The following RPL38 variants were observed in gnomAD, a reference collection of about 807,000 sequenced individuals.
RPL38 encodes the protein large ribosomal subunit protein eL38.
RPL38 carries 2 observed loss-of-function variants against 12.8 expected under a neutral mutation model. That is an observed-to-expected ratio of 0.16 (90% CI 0.06 to 0.49). RPL38 has a LOEUF of 0.49. Among genes scored for constraint, RPL38 ranks in the 20% least tolerant of loss-of-function variants. The probability of loss-of-function intolerance (pLI) is 0.96; values close to 1 mark genes in which losing one functional copy is unlikely to be tolerated. For missense variants in RPL38, 52 were observed against 79.8 expected (o/e 0.65, Z 1.33); for synonymous variants, 42 against 30.1 (o/e 1.39, Z -1.29).
intron 3 of RPL38, 48 bp downstream of exon 3, chr17:74,204,238 ACCG>A: frequency 6.4e-7 from 1 of 1,561,288 alleles, no homozygotes; most frequent in Non-Finnish European, 8.8e-7. Context: ...CTAGCCTGGC[ACCG>A]CTCCGGGAGC....
At chr17:74,208,374 C>T (rs1192056370) in intron 3 of RPL38, among the ~76,000 whole-genome samples, 2 of 152,172 alleles carry the variant, frequency 1.3e-5, no homozygotes, top group African/African-American at 4.8e-5. Flanking sequence ...TTGAGGTACA[C>T]AGTAGCTGTT....
In RPL38 at chr17:74,204,081, G is replaced by C. The variant is rs190629858; in HGVS notation, c.4-49G>C. ...AAGCTGGTGGACTGGGCCATCGCCGGGAGACGTGTCTCTTTCCTCTCTGTT... is the reference window on the plus strand; with the variant it reads ...AAGCTGGTGGACTGGGCCATCGCCGCGAGACGTGTCTCTTTCCTCTCTGTT... On this transcript the variant is annotated intron_variant, in intron 2 of 4. Coordinates refer to ENST00000311111, the MANE Select transcript of RPL38 (RefSeq NM_000999.4). 291 of 1,612,298 alleles carry C rather than the reference G, an allele frequency of 1.8e-4. No individual in the cohort carries two copies. The African/African-American group carries it at 3.5e-3, about 19-fold the overall frequency.
chr17:74,204,186 C>T lies in RPL38; in HGVS notation c.60C>T (p.Ala20=), dbSNP rs760737013. Residue 20 remains alanine (A), a synonymous_variant, in exon 3 of 5, where the codon GCC becomes GCT. Coordinates refer to ENST00000311111, the MANE Select transcript of RPL38 (RefSeq NM_000999.4). Reference sequence around the variant, plus strand: ...TGCTCACAGCCCGACGAAAGGATGCCAAATGTAAGTGGTTGCTCCGAAGGT... The same window carrying T: ...TGCTCACAGCCCGACGAAAGGATGCTAAATGTAAGTGGTTGCTCCGAAGGT... ...DFLLTARRKD[A]KSVKIKKNKD... is the part of the protein sequence containing the mutation. 1.1e-5 allele frequency: 18 copies of T among 1,613,918 alleles called. No homozygotes were observed. Among genetic ancestry groups the T allele is most frequent in the Non-Finnish European group, 1.4e-5 (17 of 1,179,970 alleles).
chr17:74,208,702 G>A (rs754502836), intron 3 of RPL38, among the ~76,000 whole-genome samples: 35 of 152,194 alleles, frequency 2.3e-4, no homozygotes, highest in Non-Finnish European at 4.0e-4. Flanking sequence ...TTGGGAGGCC[G>A]AGGCCAGCGG....
In RPL38 at chr17:74,203,696, C is replaced by G. The variant is rs932678715; in HGVS notation, c.-88C>G. On this transcript the variant is annotated 5_prime_UTR_variant, in exon 1 of 5. Transcript: ENST00000311111. The stretch of plus-strand genomic sequence containing the variant: ...TCTCGTTCTTTTTCGTCCTTTTCCC[C>G]GGTTGCTGCTTGCTGTGAGTGTCTC... 5.1e-5 allele frequency: 26 copies of G among 506,148 alleles called. No homozygotes were observed. Among genetic ancestry groups the G allele is most frequent in the Non-Finnish European group, 9.1e-5 (26 of 286,500 alleles). The allele number at this position is 506,148 out of a possible 1,614,324, so 31.4% of individuals were successfully genotyped here.
chr17:74,206,428 T>G (rs1486912418), intron 3 of RPL38: 1 of 152,212 alleles, frequency 6.6e-6, no homozygotes, highest in Non-Finnish European at 1.5e-5. Context: ...AGCATAATTG[T>G]ACAGTTCAGT....
At chr17:74,209,484 A>G (rs2050144917) in intron 4 of RPL38, 175 bp downstream of exon 4, 4 of 730,398 alleles carry the variant, frequency 5.5e-6, no homozygotes, top group Non-Finnish European at 8.9e-6. Context: ...GATTATATAC[A>G]GTACCAGAAA....
chr17:74,205,709 A>G (rs915636617), intron 3 of RPL38: 1 of 152,092 alleles, frequency 6.6e-6, no homozygotes, highest in African/African-American at 2.4e-5. Flanking sequence ...ACACGACACC[A>G]CCGTTTGATT....
At chr17:74,208,170 A>G (rs544406485) in intron 3 of RPL38, among the ~76,000 whole-genome samples, 1 of 152,228 alleles carries the variant, frequency 6.6e-6, no homozygotes, top group African/African-American at 2.4e-5. Flanking sequence ...TGATTGGCAC[A>G]TCACTGCTAT....
At chr17:74,206,173 G>A (rs1367607319) in intron 3 of RPL38, 3 of 152,158 alleles carry the variant, frequency 2.0e-5, no homozygotes, top group Non-Finnish European at 4.4e-5. Flanking sequence ...TAGCGTAAAA[G>A]TTACCATTTA....
At chr17:74,206,752 G>T (rs1223648001) in intron 3 of RPL38, among the ~76,000 whole-genome samples, 3 of 107,126 alleles carry the variant, frequency 2.8e-5, no homozygotes, top group Admixed American at 1.4e-4. Flanking sequence ...TCACTCTGTT[G>T]CCCAGACTGG....
At position 74,210,615 on chromosome 17, in the gene RPL38, C is replaced by T. The variant is rs1298582328; in HGVS notation, c.*786C>T. The stretch of plus-strand genomic sequence containing the variant: ...TGCTGTGCCACAGCGGGCAGCCCCT[C>T]TGGAAATGACTGGCATCATAAAATC... On this transcript the variant is annotated 3_prime_UTR_variant, in exon 5 of 5. Transcript: ENST00000311111. The T allele has an allele frequency of 6.6e-6, 1 of 152,226 alleles. No individual in the cohort carries two copies. Among genetic ancestry groups the T allele is most frequent in the Non-Finnish European group, 1.5e-5 (1 of 68,046 alleles). The allele number at this position is 152,226 out of a possible 1,614,324, so 9.4% of individuals were successfully genotyped here.
chr17:74,207,390 T>C (rs562012837), intron 3 of RPL38, among the ~76,000 whole-genome samples: 3 of 152,338 alleles, frequency 2.0e-5, no homozygotes, highest in Admixed American at 2.0e-4. Context: ...TTGGGTTGCT[T>C]CTACATTTTC....
chr17:74,206,615 A>G (rs73354683), intron 3 of RPL38, among the ~76,000 whole-genome samples: 51 of 151,868 alleles, frequency 3.4e-4, no homozygotes, highest in African/African-American at 1.2e-3. Context: ...ACCCCATACA[A>G]GTGGGTCTGC....
intron 3 of RPL38, 147 bp downstream of exon 3, chr17:74,204,337 C>G (rs542926113): frequency 1.5e-6 from 1 of 683,246 alleles, no homozygotes; most frequent in African/African-American, 1.8e-5. Flanking sequence ...CATCCTGTTT[C>G]CCATGAGAAA....
Position 74,210,291 on chromosome 17 carries a change from G to T in RPL38, c.*462G>T, listed in dbSNP as rs1174321141. On this transcript the variant is annotated 3_prime_UTR_variant, in exon 5 of 5. Transcript: ENST00000311111. ...TCTCAGTCGGCAAATGAGGCCATCTGTTTTCAGCCTGTTTGAAAATAAGAT... is the reference window on the plus strand; with the variant it reads ...TCTCAGTCGGCAAATGAGGCCATCTTTTTTCAGCCTGTTTGAAAATAAGAT... 6.4e-6 allele frequency: 1 copy of T among 155,778 alleles called. No individual in the cohort carries two copies. Among genetic ancestry groups the T allele is most frequent in the Non-Finnish European group, 1.4e-5 (1 of 70,290 alleles). 9.6% of individuals were successfully genotyped at this position (155,778 alleles called of 1,614,324 possible). A position where few individuals can be genotyped will look rare whatever the true frequency, so the allele number is the denominator to read the frequency against.
At chr17:74,209,527 C>A in intron 4 of RPL38, 2 of 656,580 alleles carry the variant, frequency 3.0e-6, no homozygotes, top group Non-Finnish European at 5.2e-6. Flanking sequence ...GGTTAGAGCT[C>A]ATTTAATCCT....
chr17:74,205,155 G>T (rs989287273), intron 3 of RPL38: 4 of 152,248 alleles, frequency 2.6e-5, no homozygotes, highest in Non-Finnish European at 5.9e-5. Context: ...ATGGATAGGT[G>T]CCAATCTCTG....
intron 1 of RPL38, 60 bp downstream of exon 1, chr17:74,203,805 T>TG: frequency 1.1e-5 from 11 of 962,454 alleles, no homozygotes; most frequent in South Asian, 6.9e-5. Flanking sequence ...GCGTGGAGGG[T>TG]GTCGGGGAGG....
Sources: gnomAD v4.1 joint callset for allele counts (sites outside exome capture counted in the v4.1 genomes callset) on GRCh38, gnomAD v4.1.1 for gene constraint, MANE v1.5 for transcripts, NCBI Gene and HGNC (gene_info 2026-07-23, HGNC 2026-07-21) for gene names.